Variants in CDCA2 observed in about 807,000 individuals in gnomAD.
CDCA2 encodes cell division cycle associated 2, also known as cell division cycle-associated protein 2.
Under a neutral mutation model 67.0 loss-of-function variants are expected in CDCA2, and 44 were observed. That is an observed-to-expected ratio of 0.66 (90% confidence interval 0.52 to 0.84). CDCA2 has a LOEUF of 0.84. CDCA2 is among the 40% of genes least tolerant of loss of function. CDCA2 has a pLI of 0.00. For missense variants in CDCA2, 1,253 were observed against 1,203.2 expected (o/e 1.04, Z -0.61); for synonymous variants, 447 against 418.7 (o/e 1.07, Z -0.82).
chr8:25,462,736 G>A (rs1405702053), intron 4 of CDCA2, among the ~76,000 whole-genome samples: 2 of 152,142 alleles, frequency 1.3e-5, no homozygotes, highest in Non-Finnish European at 2.9e-5. Flanking sequence ...GAATGCACTG[G>A]TGCAATCATA....
At chr8:25,465,322 C>G (rs149721313) in intron 4 of CDCA2, among the ~76,000 whole-genome samples, 24 of 152,076 alleles carry the variant, frequency 1.6e-4, no homozygotes, top group African/African-American at 5.8e-4. Flanking sequence ...TCACTTTTTG[C>G]CCATTGGTAT....
At chr8:25,499,035 A>G (rs1804362338) in intron 13 of CDCA2, among the ~76,000 whole-genome samples, 1 of 152,208 alleles carries the variant, frequency 6.6e-6, no homozygotes, top group Non-Finnish European at 1.5e-5. Context: ...AGGGGAGTAT[A>G]GATGAATCAT....
chr8:25,498,731 G>A (rs185708326), intron 13 of CDCA2, among the ~76,000 whole-genome samples: 28 of 151,710 alleles, frequency 1.8e-4, no homozygotes, highest in African/African-American at 6.5e-4. Context: ...CCATAACCCC[G>A]CCTCATCCCC....
chr8:25,480,272 T>C (rs1338785305), intron 8 of CDCA2, 148 bp downstream of exon 8: 8 of 655,552 alleles, frequency 1.2e-5, no homozygotes, highest in African/African-American at 1.8e-5. Context: ...TCTTTTCTTA[T>C]TAACAACACT....
intron 3 of CDCA2, among the ~76,000 whole-genome samples, chr8:25,461,261 C>CT (rs1802674394): frequency 1.1e-5 from 1 of 87,224 alleles, no homozygotes; most frequent in Non-Finnish European, 2.1e-5. Context: ...GAGTGAAACT[C>CT]TGTCTCCAAA....
chr8:25,487,634 T>C (rs979530752), intron 12 of CDCA2, among the ~76,000 whole-genome samples: 19 of 151,930 alleles, frequency 1.3e-4, no homozygotes, highest in African/African-American at 4.4e-4. Flanking sequence ...TCCCAGCTAC[T>C]AGGGAGGCTG....
chr8:25,496,646 T>C (rs1804233703), intron 13 of CDCA2, among the ~76,000 whole-genome samples: 1 of 152,116 alleles, frequency 6.6e-6, no homozygotes, highest in African/African-American at 2.4e-5. Flanking sequence ...GAATAGACAG[T>C]TCTCAAAAGA....
At position 25,465,594 on chromosome 8, in the gene CDCA2, A is replaced by G. The variant is rs532029075; in HGVS notation, c.388-581A>G. Reference sequence around the variant, plus strand: ...ACCATCAAACTTTGTATTTTAAGAGAATGGCTGGCTTTCAACCCTAAGAAG... The same window carrying G: ...ACCATCAAACTTTGTATTTTAAGAGGATGGCTGGCTTTCAACCCTAAGAAG... On this transcript the variant is annotated intron_variant, in intron 4 of 14. Transcript: ENST00000330560. 3.4e-5 allele frequency among the ~76,000 whole-genome samples: 5 copies of G among 147,318 alleles called. No homozygotes were observed. In the South Asian group the frequency reaches 1.0e-3, roughly 31 times the overall value.
chr8:25,488,810 A>C, intron 13 of CDCA2, 121 bp downstream of exon 13: 105 of 890,622 alleles, frequency 1.2e-4, no homozygotes, highest in East Asian at 4.1e-4. Flanking sequence ...TATTAATGCA[A>C]TCTTACCGTG....
chr8:25,483,240 T>C (rs1194700059), intron 8 of CDCA2, among the ~76,000 whole-genome samples, 159 bp from the exon 9 acceptor site: 2 of 152,226 alleles, frequency 1.3e-5, no homozygotes, highest in South Asian at 2.1e-4. Flanking sequence ...GTGCCTGATA[T>C]CATGGTTTTG....
chr8:25,484,173 T>G lies in CDCA2; in HGVS notation c.1328T>G (p.Leu443Ter), dbSNP rs778067811. Residue 443 changes from leucine (L) to a stop codon, truncating the protein, a stop_gained, in exon 10 of 15, where the codon TTA becomes TGA. Transcript: ENST00000330560. LOFTEE classifies it high-confidence loss of function. ...GAGCAGTCACCTGTTCCTGAGCCAT[T>G]ACCTCAACCAGATTTTGATGACAAG... ...LLEQSPVPEP[L>*]PQPDFDDKGE... 6.2e-7 allele frequency: 1 copy of G among 1,614,198 alleles called. No homozygotes were observed. The highest frequency in any genetic ancestry group is 1.1e-5 in the South Asian group (1 of 91,086).
At chr8:25,499,725 A>G (rs17053787) in intron 13 of CDCA2, among the ~76,000 whole-genome samples, 2,966 of 152,312 alleles carry the variant, frequency 0.019, 108 homozygotes, top group African/African-American at 0.067. Flanking sequence ...ACTGTGTGAG[A>G]AGAGGAATCA....
chr8:25,480,638 A>G (rs1337658029), intron 8 of CDCA2, among the ~76,000 whole-genome samples: 1 of 152,134 alleles, frequency 6.6e-6, no homozygotes, highest in African/African-American at 2.4e-5. Flanking sequence ...GTTCTGGCAT[A>G]TATATATAAC....
chr8:25,507,611 C>T lies in CDCA2; in HGVS notation c.2945C>T (p.Thr982Ile). 6.2e-7 allele frequency: 1 copy of T among 1,614,188 alleles called. No homozygotes were observed. The highest frequency in any genetic ancestry group is 8.5e-7 in the Non-Finnish European group (1 of 1,180,018). Residue 982 changes from threonine (T) to isoleucine (I), a missense_variant, in exon 15 of 15, where the codon ACA becomes ATA. Physicochemically the swap from Thr to Ile is moderately conservative, Grantham distance 89 (BLOSUM62 -1). Transcript: ENST00000330560. ...AGGAGGAAGAGCTTTTGTATATCTA[C>T]ACTTGCAAATACTAAAGCCACTTCC... The part of the protein sequence containing the change: ...GKRRKSFCIS[T>I]LANTKATSQF...
Position 25,469,893 on chromosome 8 carries a change from A to G in CDCA2, c.736-3A>G. The G allele has an allele frequency of 6.3e-7, 1 of 1,599,840 alleles. No homozygotes were observed. Among genetic ancestry groups the G allele is most frequent in the Non-Finnish European group, 8.6e-7 (1 of 1,169,374 alleles). ...TGTAATACTCTTTCAATTTTTCCCC[A>G]AGATATCATCTAAACTTGGTTCAAC... On this transcript the variant is annotated splice_polypyrimidine_tract_variant and splice_region_variant and intron_variant, in intron 6 of 14. Coordinates refer to ENST00000330560, the MANE Select transcript of CDCA2 (RefSeq NM_152562.4).
chr8:25,473,777 T>A (rs1299116391), intron 7 of CDCA2, among the ~76,000 whole-genome samples: 1 of 152,220 alleles, frequency 6.6e-6, no homozygotes, highest in African/African-American at 2.4e-5. Context: ...TTTTCATTTC[T>A]TCCGGTTTTT....
At chr8:25,492,982 TTG>T (rs1804072335) in intron 13 of CDCA2, among the ~76,000 whole-genome samples, 1 of 152,090 alleles carries the variant, frequency 6.6e-6, no homozygotes, top group Non-Finnish European at 1.5e-5. Flanking sequence ...TCTGTTTTGT[TTG>T]TGTGTTTGTT....
intron 13 of CDCA2, among the ~76,000 whole-genome samples, chr8:25,502,512 G>T (rs1804519240): frequency 6.6e-6 from 1 of 151,580 alleles, no homozygotes; most frequent in Non-Finnish European, 1.5e-5. Context: ...GCTTGTGCTT[G>T]TTAAAATCCA....
intron 7 of CDCA2, among the ~76,000 whole-genome samples, chr8:25,474,426 A>G (rs1340617850): frequency 1.3e-5 from 2 of 152,294 alleles, no homozygotes; most frequent in East Asian, 1.9e-4. Context: ...TTTTGGTGGG[A>G]CATTTTTATT....
Sources: allele counts gnomAD v4.1 joint callset (sites outside exome capture counted in the v4.1 genomes callset), GRCh38; gene constraint gnomAD v4.1.1; transcripts MANE v1.5; gene names NCBI Gene and HGNC (gene_info 2026-07-23, HGNC 2026-07-21).